SLC7A2: variants seen among roughly 807,000 people sequenced by gnomAD.
SLC7A2 encodes solute carrier family 7 member 2.
In SLC7A2, 48 loss-of-function variants were observed where a neutral mutation model predicts 58.9. The observed-to-expected ratio is 0.82, with a 90% CI of 0.65 to 1.04. The LOEUF (loss-of-function observed/expected upper bound fraction) is 1.04. Among genes scored for constraint, SLC7A2 ranks in the 50% least tolerant of loss-of-function variants. The probability of loss-of-function intolerance (pLI) is 0.00; values close to 1 mark genes in which losing one functional copy is unlikely to be tolerated. For missense variants in SLC7A2, 1,029 were observed against 818.8 expected (o/e 1.26, Z -3.13); for synonymous variants, 363 against 314.5 (o/e 1.15, Z -1.63).
At chr8:17,496,894 G>C (rs1384129827), upstream of SLC7A2, among the ~76,000 whole-genome samples, 1 of 151,814 alleles carries the variant, frequency 6.6e-6, no homozygotes, top group African/African-American at 2.4e-5. Context: ...GCCCACGTGT[G>C]CTCGGCTCCA....
At chr8:17,528,921 G>A (rs1039047917) in intron 2 of SLC7A2, among the ~76,000 whole-genome samples, 3 of 152,216 alleles carry the variant, frequency 2.0e-5, no homozygotes, top group East Asian at 1.9e-4. Context: ...CGGGGCTCTC[G>A]GGGCCCATAC....
intron 11 of SLC7A2, among the ~76,000 whole-genome samples, chr8:17,563,375 T>A (rs1358377813): frequency 6.6e-6 from 1 of 152,158 alleles, no homozygotes; most frequent in African/African-American, 2.4e-5. Context: ...ACCAATATTA[T>A]TTTGATTGTG....
intron 2 of SLC7A2, chr8:17,539,048 A>G: frequency 1.3e-6 from 1 of 778,206 alleles, no homozygotes; most frequent in Non-Finnish European, 2.1e-6. Context: ...AAACTTTTGA[A>G]CTAAAGTGAA....
At chr8:17,499,667 G>C (rs1254431648) in intron 1 of SLC7A2, among the ~76,000 whole-genome samples, 1 of 150,982 alleles carries the variant, frequency 6.6e-6, no homozygotes, top group Non-Finnish European at 1.5e-5. Context: ...TTTAGTTTTG[G>C]GTGCATCATT....
At chr8:17,556,148 T>A (rs1004453098) in intron 8 of SLC7A2, among the ~76,000 whole-genome samples, 3 of 152,178 alleles carry the variant, frequency 2.0e-5, no homozygotes, top group African/African-American at 7.2e-5. Context: ...AGGCTTAGAT[T>A]TCTGCCCCCC....
chr8:17,560,656 A>G (rs1802933814), intron 10 of SLC7A2, 123 bp downstream of exon 10: 3 of 746,288 alleles, frequency 4.0e-6, no homozygotes, highest in Non-Finnish European at 6.9e-6. Context: ...ACCACCCTGA[A>G]ATTTTCACCT....
chr8:17,515,780 G>T (rs767633645), intron 2 of SLC7A2, among the ~76,000 whole-genome samples: 2 of 152,124 alleles, frequency 1.3e-5, no homozygotes, highest in Non-Finnish European at 2.9e-5. Flanking sequence ...ATCTGAGTTG[G>T]CAGATAACCT....
intron 2 of SLC7A2, among the ~76,000 whole-genome samples, chr8:17,512,505 C>T (rs1800646569): frequency 6.6e-6 from 1 of 152,148 alleles, no homozygotes; most frequent in African/African-American, 2.4e-5. Flanking sequence ...CAAGATCGTG[C>T]TACTGCGCTC....
intron 2 of SLC7A2, among the ~76,000 whole-genome samples, chr8:17,534,078 T>A (rs1208826806): frequency 6.6e-6 from 1 of 152,226 alleles, no homozygotes; most frequent in Non-Finnish European, 1.5e-5. Flanking sequence ...TCCATGTCCC[T>A]GCAAAGGACA....
intron 9 of SLC7A2, among the ~76,000 whole-genome samples, chr8:17,559,248 A>C (rs1269675346): frequency 6.6e-6 from 1 of 152,224 alleles, no homozygotes; most frequent in Non-Finnish European, 1.5e-5. Context: ...GCTAATAAAG[A>C]CATACCCAAG....
chr8:17,494,073 G>C (rs966387466), upstream of SLC7A2, among the ~76,000 whole-genome samples: 1 of 152,180 alleles, frequency 6.6e-6, no homozygotes, highest in Non-Finnish European at 1.5e-5. Context: ...ACAAGCATTA[G>C]TATCCAGTAT....
intron 2 of SLC7A2, among the ~76,000 whole-genome samples, chr8:17,536,917 T>A (rs1410958347): frequency 6.6e-6 from 1 of 152,100 alleles, no homozygotes; most frequent in Non-Finnish European, 1.5e-5. Context: ...TCGGGGAATC[T>A]TGCACACCCA....
At chr8:17,547,287 G>T (rs1200626475) in intron 4 of SLC7A2, among the ~76,000 whole-genome samples, 2 of 152,028 alleles carry the variant, frequency 1.3e-5, no homozygotes, top group African/African-American at 4.8e-5. Flanking sequence ...CAGGGGAACT[G>T]CCCTTTATAA....
intron 2 of SLC7A2, among the ~76,000 whole-genome samples, chr8:17,541,064 C>T (rs964235702): frequency 6.6e-6 from 1 of 152,096 alleles, no homozygotes; most frequent in Non-Finnish European, 1.5e-5. Flanking sequence ...GATCTTAAAT[C>T]GTTAATGAAC....
intron 6 of SLC7A2, among the ~76,000 whole-genome samples, chr8:17,550,937 C>T (rs556222777): frequency 1.3e-5 from 2 of 152,272 alleles, no homozygotes; most frequent in East Asian, 3.9e-4. Context: ...TGTGGCCATA[C>T]AATTGACCAC....
intron 8 of SLC7A2, among the ~76,000 whole-genome samples, chr8:17,555,964 G>C (rs991625663): frequency 1.3e-5 from 2 of 152,120 alleles, no homozygotes; most frequent in Non-Finnish European, 2.9e-5. Context: ...TTTCGTTGAG[G>C]CTCTGAATTG....
intron 9 of SLC7A2, among the ~76,000 whole-genome samples, 183 bp from the exon 10 acceptor site, chr8:17,560,145 C>T (rs1178073825): frequency 6.6e-6 from 1 of 152,102 alleles, no homozygotes; most frequent in Admixed American, 6.5e-5. Context: ...TATTTTGCTG[C>T]AGTTGTTTTA....
At chr8:17,525,116 T>C (rs1204923379) in intron 2 of SLC7A2, among the ~76,000 whole-genome samples, 1 of 152,134 alleles carries the variant, frequency 6.6e-6, no homozygotes, top group Non-Finnish European at 1.5e-5. Context: ...ACCAGATTAG[T>C]TTGCCTTGAC....
chr8:17,543,837 G>A lies in SLC7A2; in HGVS notation c.376+122G>A, dbSNP rs555694711. The A allele has an allele frequency of 2.5e-5, 22 of 863,718 alleles. No homozygotes were observed. In the East Asian group the frequency reaches 5.6e-4, roughly 22 times the overall value. The allele number at this position is 863,718 out of a possible 1,614,324, so 53.5% of individuals were successfully genotyped here. The stretch of plus-strand genomic sequence containing the variant: ...CTTGATGTCTGTGTGTCTCATTTTT[G>A]TCATCTCGAAAATGTCTCCTTCTAA... On this transcript the variant is annotated intron_variant, in intron 3 of 12. Transcript: ENST00000494857.
Sources: gnomAD v4.1 joint callset for allele counts (sites outside exome capture counted in the v4.1 genomes callset) on GRCh38, gnomAD v4.1.1 for gene constraint, MANE v1.5 for transcripts, NCBI Gene and HGNC (gene_info 2026-07-23, HGNC 2026-07-21) for gene names.